ROBO2: variants seen among roughly 807,000 people sequenced by gnomAD.
ROBO2 encodes roundabout guidance receptor 2.
In ROBO2, 53 loss-of-function variants were observed where a neutral mutation model predicts 160.8. The observed-to-expected ratio is 0.33, with a 90% confidence interval of 0.26 to 0.41. ROBO2 has a LOEUF of 0.41. Among genes scored for constraint, ROBO2 ranks in the 10% least tolerant of loss-of-function variants. The pLI, the probability that ROBO2 is intolerant of heterozygous loss-of-function variation, is 1.00. For synonymous variants in ROBO2, 664 were observed against 611.7 expected (o/e 1.09, Z -1.26); for missense variants, 1,577 against 1,722.4 (o/e 0.92, Z 1.49).
intron 2 of ROBO2, among the ~76,000 whole-genome samples, chr3:76,123,027 A>G (rs995864516): frequency 2.4e-4 from 37 of 152,200 alleles, no homozygotes; most frequent in Middle Eastern, 3.4e-3. Flanking sequence ...GATTACAGGC[A>G]TGAGCCACCG....
At chr3:77,184,162 A>G (rs1485845725) in intron 2 of ROBO2, among the ~76,000 whole-genome samples, 1 of 152,100 alleles carries the variant, frequency 6.6e-6, no homozygotes, top group African/African-American at 2.4e-5. Flanking sequence ...CTGAATCTCC[A>G]GAGCTGGTTT....
intron 2 of ROBO2, among the ~76,000 whole-genome samples, chr3:76,917,254 A>G (rs542579022): frequency 3.3e-5 from 5 of 152,300 alleles, no homozygotes; most frequent in South Asian, 2.1e-4. Context: ...ATTATGCACT[A>G]GGATCATTGC....
chr3:77,086,837 TA>T (rs2069387535), intron 1 of ROBO2, among the ~76,000 whole-genome samples: 1 of 152,162 alleles, frequency 6.6e-6, no homozygotes, highest in South Asian at 2.1e-4. Flanking sequence ...ATCTGTCTTT[TA>T]AAAATCCTTT....
At chr3:77,089,304 C>T (rs924847618) in intron 1 of ROBO2, among the ~76,000 whole-genome samples, 1 of 152,090 alleles carries the variant, frequency 6.6e-6, no homozygotes, top group Admixed American at 6.6e-5. Context: ...TTTTCCTCCT[C>T]ATCTATAAAA....
intron 2 of ROBO2, among the ~76,000 whole-genome samples, chr3:76,656,616 C>CTTTGT (rs368810711): frequency 0.011 from 1,695 of 151,716 alleles, 21 homozygotes; most frequent in African/African-American, 0.036. Flanking sequence ...GGTTCATTAC[C>CTTTGT]TTTGTTTTGT....
chr3:76,991,409 C>A (rs1184429578), intron 2 of ROBO2, among the ~76,000 whole-genome samples: 1 of 152,090 alleles, frequency 6.6e-6, no homozygotes, highest in African/African-American at 2.4e-5. Context: ...TTCTAGTTTT[C>A]ACTTTCTGTG....
At chr3:75,954,076 A>G (rs935665157) in intron 2 of ROBO2, among the ~76,000 whole-genome samples, 5 of 151,810 alleles carry the variant, frequency 3.3e-5, no homozygotes, top group Middle Eastern at 3.4e-3. Context: ...GTGTACCCCA[A>G]CCCCCTTCCC....
chr3:76,193,145 C>T (rs1702092746), intron 2 of ROBO2, among the ~76,000 whole-genome samples: 2 of 152,248 alleles, frequency 1.3e-5, no homozygotes, highest in Non-Finnish European at 2.9e-5. Flanking sequence ...TTTCTCCACC[C>T]ATCAGTTAAA....
chr3:76,242,423 T>C (rs892749751), intron 2 of ROBO2, among the ~76,000 whole-genome samples: 3 of 152,212 alleles, frequency 2.0e-5, no homozygotes, highest in Non-Finnish European at 4.4e-5. Flanking sequence ...AGGACTATTG[T>C]TGTGATACAG....
rs114105508 is a variant in ROBO2 at position 77,535,851 on chromosome 3, A to G, written c.935-10487A>G. Among the ~76,000 whole-genome samples the G allele has an allele frequency of 8.7e-4, 133 of 152,294 alleles. 2 individuals carry two copies. Among genetic ancestry groups the G allele is most frequent in the African/African-American group, 2.9e-3 (119 of 41,574 alleles). On this transcript the variant is annotated intron_variant, in intron 6 of 25. Coordinates refer to ENST00000461745, the Ensembl canonical transcript of ROBO2. ...GTGAAACTTGCATGGCGAATCTCAT[A>G]ATGATTTCCACAGTTACATGATTTC...
At chr3:77,238,344 GA>G (rs1465859594) in intron 2 of ROBO2, among the ~76,000 whole-genome samples, 2 of 152,008 alleles carry the variant, frequency 1.3e-5, no homozygotes, top group Non-Finnish European at 2.9e-5. Context: ...CCGTTTTCTG[GA>G]AGTTTTATAT....
intron 2 of ROBO2, among the ~76,000 whole-genome samples, chr3:76,560,103 T>C (rs1440706018): frequency 2.0e-5 from 3 of 152,098 alleles, no homozygotes; most frequent in African/African-American, 7.2e-5. Context: ...TTTCTCCCAG[T>C]TAAAATAGAT....
chr3:76,633,871 A>T (rs67111737), intron 2 of ROBO2, among the ~76,000 whole-genome samples: 14,068 of 151,312 alleles, frequency 0.093, 1,023 homozygotes, highest in African/African-American at 0.21. Context: ...TCAGCTTCTA[A>T]CTACTATGCC....
chr3:77,596,422 G>A (rs2153688429), intron 18 of ROBO2, among the ~76,000 whole-genome samples: 1 of 152,214 alleles, frequency 6.6e-6, no homozygotes, highest in Non-Finnish European at 1.5e-5. Context: ...CAAAATCCCG[G>A]GCAAGGACTC....
At chr3:77,140,361 C>A (rs1251363015) in intron 2 of ROBO2, among the ~76,000 whole-genome samples, 2 of 152,114 alleles carry the variant, frequency 1.3e-5, no homozygotes, top group African/African-American at 4.8e-5. Flanking sequence ...TACAGACACT[C>A]AATTCAGTTC....
intron 2 of ROBO2, among the ~76,000 whole-genome samples, chr3:76,624,630 C>T (rs2089480353): frequency 6.6e-6 from 1 of 151,342 alleles, no homozygotes; most frequent in African/African-American, 2.4e-5. Flanking sequence ...GAAACCCCGT[C>T]TCTACTAAAA....
intron 2 of ROBO2, among the ~76,000 whole-genome samples, chr3:76,185,334 G>T (rs928561993): frequency 6.6e-6 from 1 of 150,962 alleles, no homozygotes; most frequent in Non-Finnish European, 1.5e-5. Flanking sequence ...ATTGCTTTAA[G>T]TTGCATCTGT....
intron 2 of ROBO2, among the ~76,000 whole-genome samples, chr3:76,055,097 T>C (rs2067790554): frequency 6.6e-6 from 1 of 152,120 alleles, no homozygotes; most frequent in African/African-American, 2.4e-5. Flanking sequence ...AGGAGCAAAG[T>C]CACATCTTAC....
At chr3:75,981,336 A>G (rs1057152947) in intron 2 of ROBO2, among the ~76,000 whole-genome samples, 2 of 151,444 alleles carry the variant, frequency 1.3e-5, no homozygotes, top group Non-Finnish European at 3.0e-5. Context: ...TCTATCTCCT[A>G]TAGCCTATAT....
Sources: allele counts gnomAD v4.1 joint callset (sites outside exome capture counted in the v4.1 genomes callset), GRCh38; gene constraint gnomAD v4.1.1; transcripts MANE v1.5; gene names NCBI Gene and HGNC (gene_info 2026-07-23, HGNC 2026-07-21).